The following H1-7 variants were observed in gnomAD, a reference collection of about 807,000 sequenced individuals.
H1-7 encodes H1.7 linker histone, also known as testis-specific H1 histone.
A neutral mutation model predicts 0.3 loss-of-function variants in H1-7; 1 was observed. That is an observed-to-expected ratio of 3.06 (90% CI 1.09 to 14.53). H1-7 has a LOEUF of 14.53. H1-7 is among the 30% of genes most tolerant of loss of function. The pLI is 0.12. For synonymous variants in H1-7, 177 were observed against 153.2 expected, an observed-to-expected ratio of 1.16 and a Z score of -1.15; for missense variants, 393 against 353.1, an observed-to-expected ratio of 1.11 and a Z score of -0.91.
chr12:48,330,174 TCTTGTGGGAGCAG>T lies in H1-7; in HGVS notation c.*119_*131del. The T allele has an allele frequency of 8.2e-7, 1 of 1,216,724 alleles. No homozygotes were observed. The highest frequency in any genetic ancestry group is 2.6e-5 in the East Asian group (1 of 39,106). 75.4% of individuals were successfully genotyped at this position (1,216,724 alleles called of 1,614,324 possible). On this transcript the variant is annotated 3_prime_UTR_variant, in exon 1 of 1. Coordinates refer to ENST00000335017, the MANE Select transcript of H1-7 (RefSeq NM_181788.1). ...TCTTCCTGATCCAGTTGGGAATGCATCTTGTGGGAGCAGCTTCACTCCCACCACGGACCAATGC... is the reference window on the plus strand; with the variant it reads ...TCTTCCTGATCCAGTTGGGAATGCATCTTCACTCCCACCACGGACCAATGC...
chr12:48,330,064 C>A lies in H1-7; in HGVS notation c.*5C>A. 6.2e-7 allele frequency: 1 copy of A among 1,607,006 alleles called. No individual in the cohort carries two copies. The highest frequency in any genetic ancestry group is 1.7e-5 in the Admixed American group (1 of 58,874). ...GCACAGCGGACCATCCAGTAGCCAA[C>A]GCGGGCTAAAACCGACCGGACATCT... On this transcript the variant is annotated 3_prime_UTR_variant, in exon 1 of 1. Transcript: ENST00000335017.
In H1-7 at chr12:48,329,881, A is replaced by G; in HGVS notation, c.590A>G (p.Lys197Arg). ...RRTRRARPRA[K>R]EPPCARAKEE... ...ACCAGGAGGGCAAGGCCGAGAGCCAAGGAGCCGCCGTGTGCCAGAGCCAAG... is the reference window on the plus strand; with the variant it reads ...ACCAGGAGGGCAAGGCCGAGAGCCAGGGAGCCGCCGTGTGCCAGAGCCAAG... The change falls in exon 1 of 1, where the codon AAG becomes AGG. Residue 197 changes from lysine (K) to arginine (R), a missense_variant. Physicochemically the swap from Lys to Arg is conservative, Grantham distance 26 (BLOSUM62 2). Transcript: ENST00000335017. 1.9e-6 allele frequency: 3 copies of G among 1,589,826 alleles called. No homozygotes were observed. Among genetic ancestry groups the G allele is most frequent in the Non-Finnish European group, 2.6e-6 (3 of 1,168,704 alleles).
chr12:48,329,566 GGAA>G lies in H1-7; in HGVS notation c.278_280del (p.Lys93del). The G allele has an allele frequency of 6.2e-7, 1 of 1,612,196 alleles. No homozygotes were observed. The highest frequency in any genetic ancestry group is 1.1e-5 in the South Asian group (1 of 90,980). On this transcript the variant is annotated inframe_deletion, in exon 1 of 1. Transcript: ENST00000335017. ...CGAAACGCCGGCTACGAAGTGCGCA[GGAA>G]GAGCGGCCGCCACGAAGCGCCCAGG... is the stretch of plus-strand genomic sequence containing the variant.
At position 48,329,342 on chromosome 12, in the gene H1-7, C is replaced by T. The variant is rs1379602277; in HGVS notation, c.51C>T (p.Gly17=). 20 of 1,606,722 alleles carry T rather than the reference C, an allele frequency of 1.2e-5. No individual in the cohort carries two copies. Among genetic ancestry groups the T allele is most frequent in the East Asian group, 2.2e-5 (1 of 44,760 alleles). The change falls in exon 1 of 1, where the codon GGC becomes GGT. Residue 17 remains glycine, a synonymous_variant. Transcript: ENST00000335017. The part of the protein sequence containing the change: ...GEAQSRWPRR[G]GSGAMAEAPG... Reference sequence around the variant, plus strand: ...CCCAAAGCCGGTGGCCCCGCAGAGGCGGGAGTGGGGCCATGGCTGAGGCGC... The same window carrying T: ...CCCAAAGCCGGTGGCCCCGCAGAGGTGGGAGTGGGGCCATGGCTGAGGCGC...
Position 48,330,195 on chromosome 12 carries a change from C to A in H1-7, c.*136C>A. The stretch of plus-strand genomic sequence containing the variant: ...TGCATCTTGTGGGAGCAGCTTCACT[C>A]CCACCACGGACCAATGCCTTTCCCC... On this transcript the variant is annotated 3_prime_UTR_variant, in exon 1 of 1. Transcript: ENST00000335017. The A allele has an allele frequency of 1.0e-6, 1 of 983,578 alleles. No homozygotes were observed. The highest frequency in any genetic ancestry group is 1.5e-6 in the Non-Finnish European group (1 of 674,776). 60.9% of individuals were successfully genotyped at this position (983,578 alleles called of 1,614,324 possible). A position where few individuals can be genotyped will look rare whatever the true frequency, so the allele number is the denominator to read the frequency against.
chr12:48,330,062 A>T lies in H1-7; in HGVS notation c.*3A>T, dbSNP rs754622047. ...CCGCACAGCGGACCATCCAGTAGCC[A>T]ACGCGGGCTAAAACCGACCGGACAT... On this transcript the variant is annotated 3_prime_UTR_variant, in exon 1 of 1. Transcript: ENST00000335017. 21 of 1,607,450 alleles carry T rather than the reference A, an allele frequency of 1.3e-5. No homozygotes were observed. Among genetic ancestry groups the T allele is most frequent in the Non-Finnish European group, 1.2e-5 (14 of 1,177,434 alleles).
chr12:48,329,668 C>A lies in H1-7; in HGVS notation c.377C>A (p.Pro126His), dbSNP rs1421338443. The A allele has an allele frequency of 1.2e-6, 2 of 1,611,662 alleles. No homozygotes were observed. The highest frequency in any genetic ancestry group is 1.7e-6 in the Non-Finnish European group (2 of 1,179,510). ...AAGYFRVWKV[P>H]KPRRKPGRAR... ...GGCTACTTCAGGGTCTGGAAGGTTC[C>A]CAAGCCCAGGAGAAAGCCGGGACGC... The change falls in exon 1 of 1, where the codon CCC becomes CAC. Residue 126 changes from proline to histidine, a missense_variant. Transcript: ENST00000335017.
At position 48,329,747 on chromosome 12, in the gene H1-7, G is replaced by A; in HGVS notation, c.456G>A (p.Arg152=). ...CCTGGAGGACCCCAGCCGCGCCCCG[G>A]AGCTCCCGGAGGCGCCGCCAGCCCC... ...RAPWRTPAAP[R]SSRRRRQPLR... is the part of the protein sequence containing the mutation. The change falls in exon 1 of 1, where the codon CGG becomes CGA. Residue 152 remains arginine, a synonymous_variant. Transcript: ENST00000335017. The A allele has an allele frequency of 4.4e-6, 7 of 1,601,236 alleles. No individual in the cohort carries two copies. The highest frequency in any genetic ancestry group is 5.1e-6 in the Non-Finnish European group (6 of 1,175,444).
Position 48,329,087 on chromosome 12 carries a change from C to G in H1-7, c.-205C>G. 1 of 541,590 alleles carries G rather than the reference C, an allele frequency of 1.8e-6. No individual in the cohort carries two copies. Among genetic ancestry groups the G allele is most frequent in the Non-Finnish European group, 3.2e-6 (1 of 317,296 alleles). The allele number at this position is 541,590 out of a possible 1,614,324, so 33.5% of individuals were successfully genotyped here. A position where few individuals can be genotyped will look rare whatever the true frequency, so the allele number is the denominator to read the frequency against. On this transcript the variant is annotated 5_prime_UTR_variant, in exon 1 of 1. Transcript: ENST00000335017. ...AGTAAGTTTGATTTGGGAACAAAACCCTGGAGACTCTATAGGTAGGTGACT... is the reference window on the plus strand; with the variant it reads ...AGTAAGTTTGATTTGGGAACAAAACGCTGGAGACTCTATAGGTAGGTGACT...
chr12:48,329,641 C>G lies in H1-7; in HGVS notation c.350C>G (p.Ala117Gly). The part of the protein sequence containing the change: ...TLLRVSGSDA[A>G]GYFRVWKVPK... ...CTCCGGGTCAGCGGCAGCGACGCCG[C>G]CGGCTACTTCAGGGTCTGGAAGGTT... is the stretch of plus-strand genomic sequence containing the variant. Residue 117 changes from alanine (A) to glycine (G), a missense_variant, in exon 1 of 1, where the codon GCC becomes GGC. Transcript: ENST00000335017. 1 of 1,611,758 alleles carries G rather than the reference C, an allele frequency of 6.2e-7. No homozygotes were observed. The highest frequency in any genetic ancestry group is 8.5e-7 in the Non-Finnish European group (1 of 1,179,358).
chr12:48,329,297 A>C lies in H1-7; in HGVS notation c.6A>C (p.Glu2Asp). 1.3e-6 allele frequency: 2 copies of C among 1,570,448 alleles called. No individual in the cohort carries two copies. Among genetic ancestry groups the C allele is most frequent in the African/African-American group, 1.4e-5 (1 of 73,814 alleles). ...TGGCCCAGTCTACCTCAGCTATGGA[A>C]CAGGCCTTGACTGGTGAGGCCCAAA... MEQALTGEAQSR... is the reference protein window; with the variant it reads MDQALTGEAQSR... The change falls in exon 1 of 1, where the codon GAA (glutamate) becomes GAC (aspartate). Residue 2 changes from glutamate (E) to aspartate (D), a missense_variant. Coordinates refer to ENST00000335017, the MANE Select transcript of H1-7 (RefSeq NM_181788.1).
In H1-7 at chr12:48,329,579, C is replaced by A; in HGVS notation, c.288C>A (p.Arg96=). 1 of 1,613,020 alleles carries A rather than the reference C, an allele frequency of 6.2e-7. No individual in the cohort carries two copies. The highest frequency in any genetic ancestry group is 2.2e-5 in the East Asian group (1 of 44,848). ...ACGAAGTGCGCAGGAAGAGCGGCCG[C>A]CACGAAGCGCCCAGGGGGCAGGCCA... ...AGYEVRRKSG[R]HEAPRGQAKA... Residue 96 remains arginine, a synonymous_variant, in exon 1 of 1, where the codon CGC becomes CGA. Transcript: ENST00000335017.
At chr12:48,329,946 C>T in the H1-7 span, 3 of 1,609,832 alleles carry the variant, frequency 1.9e-6, no homozygotes, top group Middle Eastern at 1.7e-4. Context: ...GGGGCGAGGA[C>T]AGGCCGTGAA....
At position 48,329,408 on chromosome 12, in the gene H1-7, G is replaced by C. The variant is rs368782163; in HGVS notation, c.117G>C (p.Gln39His). Residue 39 changes from glutamine to histidine, a missense_variant, in exon 1 of 1, where the codon CAG (glutamine) becomes CAC (histidine). By Grantham distance (24) the Gln-to-His change is conservative. Coordinates refer to ENST00000335017, the MANE Select transcript of H1-7 (RefSeq NM_181788.1). ...SGESRGHSAT[Q>H]LPAEKTVGGP... ...AATCCCGAGGACACTCAGCCACTCA[G>C]CTGCCAGCGGAAAAAACTGTCGGGG... The C allele has an allele frequency of 6.2e-6, 10 of 1,614,064 alleles. No homozygotes were observed. The highest frequency in any genetic ancestry group is 6.8e-6 in the Non-Finnish European group (8 of 1,180,030).
chr12:48,329,459 C>G lies in H1-7; in HGVS notation c.168C>G (p.Ser56=), dbSNP rs778092612. Residue 56 remains serine, a synonymous_variant, in exon 1 of 1, where the codon TCC becomes TCG. Transcript: ENST00000335017. ...GACCATCGAGGGGCTGCTCAAGCTC[C>G]GTGCTCAGAGTGTCCCAGTTGGTGC... ...VGGPSRGCSS[S]VLRVSQLVLQ... The G allele has an allele frequency of 2.5e-6, 4 of 1,614,170 alleles. No homozygotes were observed. Among genetic ancestry groups the G allele is most frequent in the Non-Finnish European group, 3.4e-6 (4 of 1,180,012 alleles).
chr12:48,329,741 G>A lies in H1-7; in HGVS notation c.450G>A (p.Ala150=). The change falls in exon 1 of 1, where the codon GCG becomes GCA. Residue 150 remains alanine (A), a synonymous_variant. Transcript: ENST00000335017. ...GCGCTCCCTGGAGGACCCCAGCCGC[G>A]CCCCGGAGCTCCCGGAGGCGCCGCC... The part of the protein sequence containing the change: ...GTRAPWRTPA[A]PRSSRRRRQP... 6.2e-7 allele frequency: 1 copy of A among 1,602,782 alleles called. No homozygotes were observed. The highest frequency in any genetic ancestry group is 1.1e-5 in the South Asian group (1 of 89,966).
chr12:48,329,555 CGAA>C lies in H1-7; in HGVS notation c.266_268del (p.Glu89del). Reference sequence around the variant, plus strand: ...AGAAGGAGCTCCGAAACGCCGGCTACGAAGTGCGCAGGAAGAGCGGCCGCCACG... The same window carrying C: ...AGAAGGAGCTCCGAAACGCCGGCTACGTGCGCAGGAAGAGCGGCCGCCACG... On this transcript the variant is annotated inframe_deletion, in exon 1 of 1. Transcript: ENST00000335017. The C allele has an allele frequency of 6.2e-7, 1 of 1,612,946 alleles. No individual in the cohort carries two copies. The highest frequency in any genetic ancestry group is 8.5e-7 in the Non-Finnish European group (1 of 1,179,740).
rs1422641349 is a variant in H1-7 at position 48,329,198 on chromosome 12, G to T, written c.-94G>T. The T allele has an allele frequency of 3.2e-5, 44 of 1,382,426 alleles. No individual in the cohort carries two copies. Among genetic ancestry groups the T allele is most frequent in the Non-Finnish European group, 3.9e-5 (40 of 1,037,890 alleles). The allele number at this position is 1,382,426 out of a possible 1,614,324, so 85.6% of individuals were successfully genotyped here. Reference sequence around the variant, plus strand: ...TGATTGGTTATTATAAGTGAAAAGGGCCCCTCCCCGGGTGAGATATGCCAG... The same window carrying T: ...TGATTGGTTATTATAAGTGAAAAGGTCCCCTCCCCGGGTGAGATATGCCAG... On this transcript the variant is annotated 5_prime_UTR_variant, in exon 1 of 1. Coordinates refer to ENST00000335017, the MANE Select transcript of H1-7 (RefSeq NM_181788.1).
rs1225982797 is a variant in H1-7, at chr12:48,329,064, T to A, written c.-228T>A. 2.1e-6 allele frequency: 1 copy of A among 484,014 alleles called. No individual in the cohort carries two copies. The highest frequency in any genetic ancestry group is 3.6e-6 in the Non-Finnish European group (1 of 278,820). The allele number at this position is 484,014 out of a possible 1,614,324, so 30.0% of individuals were successfully genotyped here. ...AGAAAGCGGTGGAGATCGAGATCAGTAAGTTTGATTTGGGAACAAAACCCT... is the reference window on the plus strand; with the variant it reads ...AGAAAGCGGTGGAGATCGAGATCAGAAAGTTTGATTTGGGAACAAAACCCT... On this transcript the variant is annotated 5_prime_UTR_variant, in exon 1 of 1. Transcript: ENST00000335017.
Sources: allele counts gnomAD v4.1 joint callset, GRCh38; gene constraint gnomAD v4.1.1; transcripts MANE v1.5; gene names NCBI Gene and HGNC (gene_info 2026-07-23, HGNC 2026-07-21).